The following KIFC3 variants were observed in gnomAD, a reference collection of about 807,000 sequenced individuals.
KIFC3 encodes kinesin family member C3, also known as kinesin-like protein KIFC3.
KIFC3 carries 60 observed loss-of-function variants against 101.8 expected under a neutral mutation model. That is an observed-to-expected ratio of 0.59 (90% CI 0.48 to 0.73). The LOEUF is 0.73. KIFC3 is among the 30% of genes least tolerant of loss of function. The pLI is 0.00. For synonymous variants in KIFC3, 476 were observed against 482.7 expected (o/e 0.99, Z 0.18); for missense variants, 966 against 1,137.1 (o/e 0.85, Z 2.16).
chr16:57,776,037 C>T (rs1222580830), intron 3 of KIFC3: 20 of 985,478 alleles, frequency 2.0e-5, no homozygotes, highest in African/African-American at 3.5e-5. Context: ...AGGGTGGGGC[C>T]AGCCAGCCCA....
rs1420694256 is a variant in KIFC3 at position 57,764,861 on chromosome 16, T to C, written c.1512+598A>G. 6.1e-5 allele frequency among the ~76,000 whole-genome samples: 6 copies of C among 98,576 alleles called. No homozygotes were observed. The Admixed American group carries it at 7.9e-4, about 13-fold the overall frequency. The allele number at this position is 98,576 out of a possible 152,430, so 64.7% of individuals were successfully genotyped here. A position where few individuals can be genotyped will look rare whatever the true frequency, so the allele number is the denominator to read the frequency against. ...AGGGGCTGTGATGGTGGGAGGGGCCTGAAAGTGGGTGAGGCCACATGGTGG... is the reference window on the plus strand; with the variant it reads ...AGGGGCTGTGATGGTGGGAGGGGCCCGAAAGTGGGTGAGGCCACATGGTGG... On this transcript the variant is annotated intron_variant, in intron 11 of 19. Coordinates refer to ENST00000445690, the MANE Select transcript of KIFC3 (RefSeq NM_001130100.2).
chr16:57,790,319 C>T (rs570001921), intron 3 of KIFC3, among the ~76,000 whole-genome samples: 123 of 150,074 alleles, frequency 8.2e-4, no homozygotes, highest in African/African-American at 1.3e-3. Context: ...TGGGCTCAAG[C>T]GATCCTCCTG....
At chr16:57,786,350 C>G (rs1488002664) in intron 3 of KIFC3, among the ~76,000 whole-genome samples, 1 of 152,348 alleles carries the variant, frequency 6.6e-6, no homozygotes, top group South Asian at 2.1e-4. Flanking sequence ...ACTGTCCTGT[C>G]ACCAGGAACG....
intron 1 of KIFC3, among the ~76,000 whole-genome samples, chr16:57,847,044 G>A (rs951035715): frequency 2.0e-4 from 30 of 151,646 alleles, no homozygotes; most frequent in African/African-American, 7.0e-4. Flanking sequence ...AATTAGCCAC[G>A]TGTGCTGGCG....
At chr16:57,836,894 G>A (rs1428615733) in intron 1 of KIFC3, among the ~76,000 whole-genome samples, 1 of 152,044 alleles carries the variant, frequency 6.6e-6, no homozygotes, top group Non-Finnish European at 1.5e-5. Flanking sequence ...GGGTCTTGTG[G>A]TATAGCCCAG....
Position 57,761,043 on chromosome 16 carries a change from C to G in KIFC3, c.2001G>C (p.Thr667=). The G allele has an allele frequency of 6.2e-7, 1 of 1,608,056 alleles. No individual in the cohort carries two copies. ...GVDCSTGLRT[T]GKLNLVDLAG... ...GGCCAGGCTGCCTGCCACTCTCACC[C>G]GTGGTGCGGAGGCCTGTGCTGCAGT... is the stretch of plus-strand genomic sequence containing the variant. The change falls in exon 15 of 20, where the codon ACG becomes ACC. Residue 667 remains threonine (T), a splice_region_variant and synonymous_variant. Transcript: ENST00000445690.
chr16:57,792,865 CAAAAAAAAAA>C (rs35129462), intron 3 of KIFC3, among the ~76,000 whole-genome samples: 1 of 38,424 alleles, frequency 2.6e-5, no homozygotes. Context: ...AGACCTTGCT[CAAAAAAAAAA>C]AAAAAAAAAA....
chr16:57,771,597 C>T lies in KIFC3; in HGVS notation c.471G>A (p.Leu157=). 6.2e-7 allele frequency: 1 copy of T among 1,613,486 alleles called. No homozygotes were observed. Among genetic ancestry groups the T allele is most frequent in the Non-Finnish European group, 8.5e-7 (1 of 1,180,022 alleles). ...CTGCTGGCTTTGTGCGCAGCTCTTG[C>T]AGCTCGGCCTCACAGCGCCGCATCT... ...RQEMRRCEAE[L]QELRTKPAGP... The change falls in exon 5 of 20, where the codon CTG becomes CTA. Residue 157 remains leucine (L), a synonymous_variant. Transcript: ENST00000445690.
intron 13 of KIFC3, 23 bp downstream of exon 13, chr16:57,762,117 T>C: frequency 6.3e-7 from 1 of 1,575,892 alleles, no homozygotes; most frequent in Non-Finnish European, 8.6e-7. Flanking sequence ...TGAGGCCTGC[T>C]CCGCACACCC....
intron 1 of KIFC3, among the ~76,000 whole-genome samples, chr16:57,823,302 C>T (rs1456993315): frequency 6.6e-6 from 1 of 152,172 alleles, no homozygotes; most frequent in Non-Finnish European, 1.5e-5. Context: ...CTTTGAGTTG[C>T]ACCACTCTTC....
intron 1 of KIFC3, among the ~76,000 whole-genome samples, chr16:57,842,915 T>A (rs1015260161): frequency 2.0e-5 from 3 of 152,160 alleles, no homozygotes; most frequent in Non-Finnish European, 4.4e-5. Context: ...GAAGATCGCC[T>A]GAGGGACAGG....
intron 1 of KIFC3, among the ~76,000 whole-genome samples, chr16:57,844,059 G>T (rs1193282104): frequency 3.3e-5 from 5 of 151,816 alleles, no homozygotes; most frequent in Admixed American, 6.6e-5. Context: ...TGTGAGCAAA[G>T]ATTGCACCAC....
intron 1 of KIFC3, among the ~76,000 whole-genome samples, chr16:57,818,818 A>T (rs1186169978): frequency 6.6e-6 from 1 of 152,184 alleles, no homozygotes; most frequent in Non-Finnish European, 1.5e-5. Context: ...CACCCACTTC[A>T]GCTACACCTG....
chr16:57,799,222 T>C (rs1214329812), intron 1 of KIFC3, among the ~76,000 whole-genome samples: 2 of 152,252 alleles, frequency 1.3e-5, no homozygotes, highest in South Asian at 2.1e-4. Flanking sequence ...GAGCACCTAC[T>C]GTGTGCAAAG....
intron 1 of KIFC3, among the ~76,000 whole-genome samples, chr16:57,846,781 T>G (rs2055929386): frequency 6.6e-6 from 1 of 152,236 alleles, no homozygotes. Flanking sequence ...AACCTTCTAC[T>G]TATATGAATT....
intron 1 of KIFC3, among the ~76,000 whole-genome samples, chr16:57,825,465 C>T (rs1365542359): frequency 1.3e-5 from 2 of 152,158 alleles, no homozygotes; most frequent in Non-Finnish European, 2.9e-5. Flanking sequence ...GCCAGGAGGA[C>T]GCCACTCCAT....
chr16:57,800,285 T>C (rs1307258650), intron 1 of KIFC3, among the ~76,000 whole-genome samples: 3 of 152,104 alleles, frequency 2.0e-5, no homozygotes, highest in Non-Finnish European at 4.4e-5. Context: ...GGTTCAGTCT[T>C]ACTGGGAAGG....
chr16:57,787,689 A>C (rs889102544), intron 3 of KIFC3, among the ~76,000 whole-genome samples: 1 of 152,102 alleles, frequency 6.6e-6, no homozygotes, highest in Non-Finnish European at 1.5e-5. Flanking sequence ...CTCAGCGCAC[A>C]ATCAGCAAGA....
intron 11 of KIFC3, 44 bp downstream of exon 11, chr16:57,765,415 C>T (rs782015220): frequency 6.5e-7 from 1 of 1,529,060 alleles, no homozygotes; most frequent in Admixed American, 2.0e-5. Context: ...TCCATCTTTC[C>T]CTCTCTCCCT....
Sources: gnomAD v4.1 joint callset for allele counts (sites outside exome capture counted in the v4.1 genomes callset) on GRCh38, gnomAD v4.1.1 for gene constraint, MANE v1.5 for transcripts, NCBI Gene and HGNC (gene_info 2026-07-23, HGNC 2026-07-21) for gene names.